ANKEF1: variants seen among roughly 807,000 people sequenced by gnomAD.
The protein encoded by ANKEF1 is ankyrin repeat and EF-hand domain containing 1.
ANKEF1 carries 43 observed loss-of-function variants against 65.1 expected under a neutral mutation model. The observed-to-expected ratio is 0.66, with a 90% CI of 0.52 to 0.85. The LOEUF (loss-of-function observed/expected upper bound fraction) is 0.85, where lower values mean the gene tolerates loss of function less well. ANKEF1 is among the 40% of genes least tolerant of loss of function. The probability of loss-of-function intolerance (pLI) is 0.00; values close to 1 mark genes in which losing one functional copy is unlikely to be tolerated. For missense variants in ANKEF1, 934 were observed against 952.9 expected (o/e 0.98, Z 0.26); for synonymous variants, 316 against 341.5 (o/e 0.93, Z 0.82).
At position 10,035,055 on chromosome 20, in the gene ANKEF1, C is replaced by T. The variant is rs1037317494; in HGVS notation, c.-387C>T. ...CCGGTCCCTCCGGCTTCCACCCCGC[C>T]CCCTGCGCTCACCTGCCCGCGCGCT... On this transcript the variant is annotated 5_prime_UTR_variant, in exon 1 of 11. Transcript: ENST00000378392. The T allele has an allele frequency of 3.3e-5, 5 of 153,480 alleles. No individual in the cohort carries two copies. Among genetic ancestry groups the T allele is most frequent in the Non-Finnish European group, 7.2e-5 (5 of 69,042 alleles). 9.5% of individuals were successfully genotyped at this position (153,480 alleles called of 1,614,324 possible). A position where few individuals can be genotyped will look rare whatever the true frequency, so the allele number is the denominator to read the frequency against.
At chr20:10,035,992 G>T (rs1335056557) in intron 2 of ANKEF1, among the ~76,000 whole-genome samples, 2 of 152,236 alleles carry the variant, frequency 1.3e-5, no homozygotes, top group Admixed American at 6.5e-5. Context: ...AGGTGTGCTT[G>T]TATGTGGAGG....
At chr20:10,037,198 G>A (rs1040737748) in intron 2 of ANKEF1, among the ~76,000 whole-genome samples, 4 of 152,054 alleles carry the variant, frequency 2.6e-5, no homozygotes, top group South Asian at 2.1e-4. Flanking sequence ...ATAAGGTGAC[G>A]GGGGAGAAGA....
At chr20:10,048,735 G>T (rs1402222117) in intron 6 of ANKEF1, among the ~76,000 whole-genome samples, 2 of 152,040 alleles carry the variant, frequency 1.3e-5, no homozygotes, top group Non-Finnish European at 2.9e-5. Flanking sequence ...TCATCATTTT[G>T]TTAAATAAGG....
Position 10,055,613 on chromosome 20 carries a change from A to G in ANKEF1, c.2284A>G (p.Asn762Asp). ...CGATTTTATGATGCCTTTTCAGAAG[A>G]ACATCACAGAGAAAGCTCGAGCACT... is the stretch of plus-strand genomic sequence containing the variant. ...FDDFMMPFQK[N>D]ITEKARALEA... The change falls in exon 11 of 11, where the codon AAC becomes GAC. Residue 762 changes from asparagine (N) to aspartate (D), a missense_variant. By Grantham distance (23) the Asn-to-Asp change is conservative. Transcript: ENST00000378392. 1 of 1,613,840 alleles carries G rather than the reference A, an allele frequency of 6.2e-7. No homozygotes were observed. The highest frequency in any genetic ancestry group is 1.1e-5 in the South Asian group (1 of 91,068).
chr20:10,045,482 T>C (rs1448283315), intron 5 of ANKEF1, 92 bp from the exon 6 acceptor site: 1 of 1,280,528 alleles, frequency 7.8e-7, no homozygotes, highest in Non-Finnish European at 1.1e-6. Context: ...GGCTAATTGA[T>C]ATTGTACTGG....
At chr20:10,054,404 A>T (rs1305634665) in intron 9 of ANKEF1, 58 bp from the exon 10 acceptor site, 1 of 1,362,696 alleles carries the variant, frequency 7.3e-7, no homozygotes, top group Admixed American at 3.1e-5. Context: ...ACAGCAAATA[A>T]TATTAGAAAA....
intron 4 of ANKEF1, 97 bp downstream of exon 4, chr20:10,043,418 T>C: frequency 1.8e-6 from 2 of 1,138,612 alleles, no homozygotes; most frequent in East Asian, 4.9e-5. Flanking sequence ...TGTTAGCTGA[T>C]AGACTGTTCA....
chr20:10,048,265 TTC>T (rs148550609), intron 6 of ANKEF1, among the ~76,000 whole-genome samples: 26,239 of 151,544 alleles, frequency 0.17, 2,407 homozygotes, highest in East Asian at 0.27. Flanking sequence ...AGATTTATTT[TTC>T]TTTTTTTACT....
intron 3 of ANKEF1, among the ~76,000 whole-genome samples, chr20:10,042,651 C>CCT (rs1222284715): frequency 1.3e-5 from 2 of 152,234 alleles, no homozygotes; most frequent in African/African-American, 4.8e-5. Context: ...ATCTAATTCA[C>CCT]CTCTTTACTG....
In ANKEF1 at chr20:10,044,608, T is replaced by G. The variant is rs1984402475; in HGVS notation, c.696+65T>G. The G allele has an allele frequency of 2.5e-6, 4 of 1,582,670 alleles. No homozygotes were observed. The South Asian group carries it at 4.6e-5, about 18-fold the overall frequency. On this transcript the variant is annotated intron_variant, in intron 5 of 10. Coordinates refer to ENST00000378392, the MANE Select transcript of ANKEF1 (RefSeq NM_022096.6). ...CTTTTCTGTCCTTTTTCTCAAATTT[T>G]TTTATATGTCATATAGAGTACGCTA...
At chr20:10,044,721 C>T (rs919994869) in intron 5 of ANKEF1, among the ~76,000 whole-genome samples, 178 bp downstream of exon 5, 5 of 152,062 alleles carry the variant, frequency 3.3e-5, no homozygotes, top group Admixed American at 3.3e-4. Flanking sequence ...AACTTCATCT[C>T]TTTATTTAGT....
At chr20:10,049,283 C>T in intron 6 of ANKEF1, 107 bp from the exon 7 acceptor site, 2 of 1,083,856 alleles carry the variant, frequency 1.8e-6, no homozygotes, top group South Asian at 1.6e-5. Context: ...TTTGGGGACA[C>T]ATTTTTTACT....
At position 10,035,340 on chromosome 20, in the gene ANKEF1, A is replaced by C. The variant is rs1356766228; in HGVS notation, c.-109+7A>C. 6.6e-6 allele frequency: 1 copy of C among 152,352 alleles called. No homozygotes were observed. The highest frequency in any genetic ancestry group is 6.5e-5 in the Admixed American group (1 of 15,286). 9.4% of individuals were successfully genotyped at this position (152,352 alleles called of 1,614,324 possible). A position where few individuals can be genotyped will look rare whatever the true frequency, so the allele number is the denominator to read the frequency against. On this transcript the variant is annotated splice_region_variant and intron_variant, in intron 1 of 10. Coordinates refer to ENST00000378392, the MANE Select transcript of ANKEF1 (RefSeq NM_022096.6). Reference sequence around the variant, plus strand: ...TCGCCCGGAAGACTAAGAGGTGAGCATGACACATGGCTTTTCCTTTGACGT... The same window carrying C: ...TCGCCCGGAAGACTAAGAGGTGAGCCTGACACATGGCTTTTCCTTTGACGT...
chr20:10,040,937 A>G (rs1011032916), intron 3 of ANKEF1, among the ~76,000 whole-genome samples: 1 of 148,864 alleles, frequency 6.7e-6, no homozygotes, highest in African/African-American at 2.5e-5. Context: ...TCTCTTTTCA[A>G]TAATAACCTT....
At position 10,038,386 on chromosome 20, in the gene ANKEF1, G is replaced by T; in HGVS notation, c.85G>T (p.Glu29Ter). ...GCGGAACAAAGACAAGAAGCAGATA[G>T]AGAAGCTGACCAAGCTTGGATACCC... ...CVRNKDKKQI[E>*]KLTKLGYPEL... The change falls in exon 3 of 11, where the codon GAG (glutamate) becomes TAG (stop). Residue 29 changes from glutamate (E) to a stop codon, truncating the protein, a stop_gained. Transcript: ENST00000378392. LOFTEE classifies it high-confidence loss of function. 6.2e-7 allele frequency: 1 copy of T among 1,613,840 alleles called. No homozygotes were observed. Among genetic ancestry groups the T allele is most frequent in the South Asian group, 1.1e-5 (1 of 91,036 alleles).
Position 10,038,418 on chromosome 20 carries a change from A to G in ANKEF1, c.117A>G (p.Leu39=), listed in dbSNP as rs758022456. 6.2e-7 allele frequency: 1 copy of G among 1,614,088 alleles called. No individual in the cohort carries two copies. The highest frequency in any genetic ancestry group is 8.5e-7 in the Non-Finnish European group (1 of 1,179,936). Residue 39 remains leucine, a synonymous_variant, in exon 3 of 11, where the codon CTA becomes CTG. Transcript: ENST00000378392. ...TGACCAAGCTTGGATACCCTGAACT[A>G]ATCAATTATACAGAACCCATTAATG... The part of the protein sequence containing the change: ...EKLTKLGYPE[L]INYTEPINGL...
chr20:10,037,795 A>C (rs1281027779), intron 2 of ANKEF1, among the ~76,000 whole-genome samples: 2 of 152,258 alleles, frequency 1.3e-5, no homozygotes, highest in African/African-American at 4.8e-5. Flanking sequence ...ATCACTCATC[A>C]CATCTCTGAT....
At position 10,051,883 on chromosome 20, in the gene ANKEF1, A is replaced by G; in HGVS notation, c.1864A>G (p.Arg622Gly). Residue 622 changes from arginine to glycine, a missense_variant, in exon 8 of 11, where the codon AGA becomes GGA. Arg to Gly is a moderately radical substitution (Grantham distance 125). Transcript: ENST00000378392. ...DIGAKFQLEN[R>G]KGHSAMDVAK... ...TGGTGCTAAATTCCAGCTGGAAAATAGAAAAGGTATGCGTTCATATTATTG... is the reference window on the plus strand; with the variant it reads ...TGGTGCTAAATTCCAGCTGGAAAATGGAAAAGGTATGCGTTCATATTATTG... 1 of 1,606,598 alleles carries G rather than the reference A, an allele frequency of 6.2e-7. No homozygotes were observed. Among genetic ancestry groups the G allele is most frequent in the Non-Finnish European group, 8.5e-7 (1 of 1,175,956 alleles).
rs943991038 is a variant in ANKEF1 at position 10,049,904 on chromosome 20, C to A, written c.1335C>A (p.Arg445=). 1.2e-6 allele frequency: 2 copies of A among 1,614,164 alleles called. No individual in the cohort carries two copies. The highest frequency in any genetic ancestry group is 1.7e-6 in the Non-Finnish European group (2 of 1,180,028). ...TCATTCCTGAGTACGCGTTTCCACG[C>A]CGGCAGGATGGTGGGCCACCGTATT... ...ICVIPEYAFP[R]RQDGGPPYYM... Residue 445 remains arginine (R), a synonymous_variant, in exon 7 of 11, where the codon CGC becomes CGA. Coordinates refer to ENST00000378392, the MANE Select transcript of ANKEF1 (RefSeq NM_022096.6).
Sources: allele counts gnomAD v4.1 joint callset (sites outside exome capture counted in the v4.1 genomes callset), GRCh38; gene constraint gnomAD v4.1.1; transcripts MANE v1.5; gene names NCBI Gene and HGNC (gene_info 2026-07-23, HGNC 2026-07-21).